The following DHRSX variants were observed in gnomAD, a reference collection of about 807,000 sequenced individuals.
DHRSX encodes polyprenol dehydrogenase.
A neutral mutation model predicts 34.0 loss-of-function variants in DHRSX; 31 were observed. That is an observed-to-expected ratio of 0.91 (90% CI 0.69 to 1.23). The LOEUF (loss-of-function observed/expected upper bound fraction) is 1.23. DHRSX is among the 50% of genes most tolerant of loss of function. The pLI, the probability that DHRSX is intolerant of heterozygous loss-of-function variation, is 0.00. For missense variants in DHRSX, 414 were observed against 428.1 expected (o/e 0.97, Z 0.29); for synonymous variants, 201 against 183.8 (o/e 1.09, Z -0.76).
At chrX:2,431,980 C>G (rs902397986) in intron 1 of DHRSX, among the ~76,000 whole-genome samples, 3 of 152,098 alleles carry the variant, frequency 2.0e-5, no homozygotes, top group Non-Finnish European at 2.9e-5. Context: ...ATCACGAGGT[C>G]AGGAGTTCAA....
intron 3 of DHRSX, among the ~76,000 whole-genome samples, chrX:2,393,361 CCTCCCAT>C (rs1342031305): frequency 6.6e-6 from 1 of 152,050 alleles, no homozygotes; most frequent in Non-Finnish European, 1.5e-5. Context: ...TGTGTTGACG[CCTCCCAT>C]CTCCTGTGCA....
intron 1 of DHRSX, chrX:2,488,364 G>A (rs758564362): frequency 3.3e-5 from 14 of 424,012 alleles, no homozygotes; most frequent in East Asian, 3.1e-4. Context: ...TAGTAGAGAC[G>A]GGGTTTCGCC....
At chrX:2,405,344 G>A (rs1184359004) in intron 3 of DHRSX, among the ~76,000 whole-genome samples, 2 of 151,812 alleles carry the variant, frequency 1.3e-5, no homozygotes, top group African/African-American at 2.4e-5. Context: ...AAAATTAGCC[G>A]GGCTTGGTGG....
At chrX:2,353,336 T>TG (rs1182864983) in intron 3 of DHRSX, among the ~76,000 whole-genome samples, 3 of 151,732 alleles carry the variant, frequency 2.0e-5, no homozygotes, top group Non-Finnish European at 4.4e-5. Flanking sequence ...CAAAGGGGAG[T>TG]GGGGAACTCA....
intron 1 of DHRSX, among the ~76,000 whole-genome samples, chrX:2,445,375 A>G (rs1462589111): frequency 6.6e-6 from 1 of 151,952 alleles, no homozygotes; most frequent in Non-Finnish European, 1.5e-5. Flanking sequence ...ACTAACCTTC[A>G]CCTTCAAAAC....
chrX:2,416,608 C>T (rs1175173326), intron 2 of DHRSX, among the ~76,000 whole-genome samples: 2 of 152,082 alleles, frequency 1.3e-5, no homozygotes, highest in African/African-American at 2.4e-5. Context: ...CATATGAACA[C>T]ATTTATTATC....
intron 3 of DHRSX, among the ~76,000 whole-genome samples, chrX:2,340,569 G>A (rs1230490665): frequency 1.3e-5 from 2 of 152,020 alleles, no homozygotes; most frequent in African/African-American, 4.8e-5. Context: ...ATTATTGCCT[G>A]TGGACATCAG....
rs1239589474 is a variant in DHRSX at position 2,405,077 on chromosome X, C to G, written c.286+3668G>C. ...TATGAAATTTCAACATACCCCAGCCCTTGGCAGAGGTAATAACAAGGTGTT... is the reference window on the plus strand; with the variant it reads ...TATGAAATTTCAACATACCCCAGCCGTTGGCAGAGGTAATAACAAGGTGTT... On this transcript the variant is annotated intron_variant, in intron 3 of 6. Transcript: ENST00000334651. 3.3e-5 allele frequency among the ~76,000 whole-genome samples: 5 copies of G among 152,314 alleles called. No individual in the cohort carries two copies. The East Asian group carries it at 9.6e-4, about 29-fold the overall frequency.
At chrX:2,282,927 G>A (rs1347382912) in intron 4 of DHRSX, among the ~76,000 whole-genome samples, 4 of 151,542 alleles carry the variant, frequency 2.6e-5, no homozygotes, top group East Asian at 3.9e-4. Flanking sequence ...TAGTAGAAGC[G>A]GGGATGGGGT....
intron 3 of DHRSX, among the ~76,000 whole-genome samples, chrX:2,320,884 G>A (rs192276949): frequency 1.3e-5 from 2 of 152,078 alleles, no homozygotes; most frequent in Admixed American, 6.6e-5. Context: ...CAGCCATGAC[G>A]TGTCGGTCCA....
intron 3 of DHRSX, among the ~76,000 whole-genome samples, chrX:2,351,101 G>A (rs2042783992): frequency 6.6e-6 from 1 of 152,048 alleles, no homozygotes; most frequent in African/African-American, 2.4e-5. Flanking sequence ...GCAAGGGGAG[G>A]GAGGGCATCA....
At chrX:2,307,793 AAAAAT>A (rs1251138953) in intron 3 of DHRSX, among the ~76,000 whole-genome samples, 223 of 138,800 alleles carry the variant, frequency 1.6e-3, no homozygotes, top group African/African-American at 6.5e-3. Context: ...TAAAAATAAA[AAAAAT>A]AAAATAAAAA....
chrX:2,276,835 AGGG>A (rs1569483087), intron 4 of DHRSX, among the ~76,000 whole-genome samples: 1 of 134,556 alleles, frequency 7.4e-6, no homozygotes, highest in African/African-American at 2.8e-5. Context: ...GAGAGGGAAC[AGGG>A]AGAGAGAGGG....
rs755840026 is a variant in DHRSX, at chrX:2,308,697, C to T, written c.287-17094G>A. On this transcript the variant is annotated intron_variant, in intron 3 of 6. Transcript: ENST00000334651. ...TAACACAATATCCAAGTATATTTTTCAAGAATTCCTAGGTAGGCAGGGAGA... is the reference window on the plus strand; with the variant it reads ...TAACACAATATCCAAGTATATTTTTTAAGAATTCCTAGGTAGGCAGGGAGA... Among the ~76,000 whole-genome samples the T allele has an allele frequency of 1.6e-3, 235 of 147,768 alleles. 1 individual carries two copies. Among genetic ancestry groups the T allele is most frequent in the African/African-American group, 5.2e-3 (209 of 40,078 alleles).
At position 2,371,265 on chromosome X, in the gene DHRSX, G is replaced by C. The variant is rs183193102; in HGVS notation, c.286+37480C>G. ...CCATAGTCCCTCCTCCATTACCATA[G>C]ACCCTTCTACTTCTGTTACCATAGT... On this transcript the variant is annotated intron_variant, in intron 3 of 6. Coordinates refer to ENST00000334651, the MANE Select transcript of DHRSX (RefSeq NM_145177.3). 1.5e-3 allele frequency among the ~76,000 whole-genome samples: 215 copies of C among 142,856 alleles called. 1 individual carries two copies. In the Middle Eastern group the frequency reaches 0.037, roughly 25 times the overall value. The allele number at this position is 142,856 out of a possible 152,430, so 93.7% of individuals were successfully genotyped here. A position where few individuals can be genotyped will look rare whatever the true frequency, so the allele number is the denominator to read the frequency against.
At chrX:2,371,326 TATAGTCCCTCCTTCCGTTACC>T (rs1220736072) in intron 3 of DHRSX, among the ~76,000 whole-genome samples, 5 of 137,282 alleles carry the variant, frequency 3.6e-5, no homozygotes, top group African/African-American at 1.4e-4. Flanking sequence ...CTCCCGTTAC[TATAGTCCCTCCTTCCGTTACC>T]ATAGTCCCTC....
intron 3 of DHRSX, among the ~76,000 whole-genome samples, chrX:2,371,635 T>C (rs1603019732): frequency 6.6e-6 from 1 of 150,900 alleles, no homozygotes; most frequent in East Asian, 2.0e-4. Context: ...CCTCCTCCCG[T>C]TACCATAGTC....
rs183646676 is a variant in DHRSX at position 2,391,193 on chromosome X, C to G, written c.286+17552G>C. Among the ~76,000 whole-genome samples, 348 of 152,292 alleles carry G rather than the reference C, an allele frequency of 2.3e-3. 1 individual carries two copies. Among genetic ancestry groups the G allele is most frequent in the African/African-American group, 8.0e-3 (333 of 41,568 alleles). On this transcript the variant is annotated intron_variant, in intron 3 of 6. Coordinates refer to ENST00000334651, the MANE Select transcript of DHRSX (RefSeq NM_145177.3). ...ATACCCAGCAGTGGAATTCCTGGTG[C>G]CATCTGTTCTTACTTTTTATTTCAT...
intron 3 of DHRSX, among the ~76,000 whole-genome samples, chrX:2,371,254 C>T (rs976920682): frequency 3.4e-5 from 5 of 148,222 alleles, no homozygotes; most frequent in African/African-American, 5.2e-5. Flanking sequence ...AGTCCCTCCT[C>T]CATTACCATA....
Sources: gnomAD v4.1 joint callset for allele counts (sites outside exome capture counted in the v4.1 genomes callset) on GRCh38, gnomAD v4.1.1 for gene constraint, MANE v1.5 for transcripts, NCBI Gene and HGNC (gene_info 2026-07-23, HGNC 2026-07-21) for gene names.